The following CADM2 variants were observed in gnomAD, a reference collection of about 807,000 sequenced individuals.
CADM2 encodes the protein cell adhesion molecule 2.
In CADM2, 12 loss-of-function variants were observed where a neutral mutation model predicts 49.8. The observed-to-expected ratio is 0.24, with a 90% CI of 0.15 to 0.39. The LOEUF (loss-of-function observed/expected upper bound fraction) is 0.39, where lower values mean the gene tolerates loss of function less well. Among genes scored for constraint, CADM2 ranks in the 10% least tolerant of loss-of-function variants. The pLI is 1.00. For synonymous variants in CADM2, 214 were observed against 175.4 expected (o/e 1.22, Z -1.74); for missense variants, 378 against 492.3 (o/e 0.77, Z 2.20).
chr3:85,290,491 C>G (rs1379522397), intron 1 of CADM2, among the ~76,000 whole-genome samples: 1 of 152,216 alleles, frequency 6.6e-6, no homozygotes, highest in Non-Finnish European at 1.5e-5. Context: ...GGGCAGGGAA[C>G]AGACAAACAA....
intron 1 of CADM2, among the ~76,000 whole-genome samples, chr3:85,056,531 G>T (rs535364140): frequency 7.2e-5 from 11 of 152,128 alleles, no homozygotes; most frequent in African/African-American, 2.6e-4. Context: ...ATAAAAGATA[G>T]GGGCCTTAAA....
rs1577608117 is a variant in CADM2, at chr3:85,900,627, C to T, written c.530-11746C>T. Among the ~76,000 whole-genome samples the T allele has an allele frequency of 2.6e-5, 4 of 152,058 alleles. No homozygotes were observed. The East Asian group carries it at 7.7e-4, about 29-fold the overall frequency. On this transcript the variant is annotated intron_variant, in intron 5 of 9. Coordinates refer to ENST00000383699, the MANE Select transcript of CADM2 (RefSeq NM_001167675.2). ...CTTGTGATTAATTAATGTTGTTAAT[C>T]AACGTATTTAATTTAAGGGTTAAAG...
At chr3:85,294,445 A>G (rs995110239) in intron 1 of CADM2, among the ~76,000 whole-genome samples, 1 of 151,906 alleles carries the variant, frequency 6.6e-6, no homozygotes, top group Non-Finnish European at 1.5e-5. Flanking sequence ...ACTACTTTAA[A>G]GTTCATATGG....
At chr3:85,913,855 T>C (rs1287900713) in intron 6 of CADM2, among the ~76,000 whole-genome samples, 1 of 152,042 alleles carries the variant, frequency 6.6e-6, no homozygotes, top group Non-Finnish European at 1.5e-5. Context: ...AAAGTGAGTA[T>C]GTGTGTTGGT....
intron 8 of CADM2, among the ~76,000 whole-genome samples, chr3:85,990,220 A>G (rs1371908381): frequency 6.6e-6 from 1 of 152,016 alleles, no homozygotes; most frequent in African/African-American, 2.4e-5. Context: ...GTACCAATAC[A>G]ACCATTTTGT....
intron 1 of CADM2, 123 bp downstream of exon 1, chr3:84,959,791 C>A (rs1254630080): frequency 7.7e-6 from 7 of 907,070 alleles, no homozygotes; most frequent in African/African-American, 1.6e-5. Flanking sequence ...CACCCCCTCC[C>A]CCTACTCTCT....
chr3:85,071,273 CAG>C (rs1314605948), intron 1 of CADM2, among the ~76,000 whole-genome samples: 1 of 151,768 alleles, frequency 6.6e-6, no homozygotes, highest in African/African-American at 2.4e-5. Flanking sequence ...GGAAGGAAGA[CAG>C]AGAAAGATGG....
At position 85,986,144 on chromosome 3, in the gene CADM2, A is replaced by G. The variant is rs189769119; in HGVS notation, c.970+24497A>G. Among the ~76,000 whole-genome samples, 13 of 152,182 alleles carry G rather than the reference A, an allele frequency of 8.5e-5. No homozygotes were observed. In the East Asian group the frequency reaches 2.5e-3, roughly 29 times the overall value. On this transcript the variant is annotated intron_variant, in intron 8 of 9. Transcript: ENST00000383699. ...TTCTCTACATCCTTTATATCAAAAG[A>G]AATCAAGTCTATCTTTACTTAATTT...
At chr3:85,508,994 T>G (rs1051149573) in intron 1 of CADM2, among the ~76,000 whole-genome samples, 1 of 152,146 alleles carries the variant, frequency 6.6e-6, no homozygotes, top group South Asian at 2.1e-4. Context: ...TGTGAATATA[T>G]TAAATCATAT....
intron 1 of CADM2, among the ~76,000 whole-genome samples, chr3:85,415,445 A>G (rs2035876487): frequency 6.6e-6 from 1 of 151,932 alleles, no homozygotes; most frequent in Non-Finnish European, 1.5e-5. Flanking sequence ...GCCTAGAAAT[A>G]GTGAGTTCAA....
At chr3:85,372,276 G>T (rs1267801111) in intron 1 of CADM2, among the ~76,000 whole-genome samples, 3 of 151,432 alleles carry the variant, frequency 2.0e-5, no homozygotes, top group Non-Finnish European at 4.4e-5. Context: ...AAATCAGAAG[G>T]ATTAAGAGAA....
intron 3 of CADM2, among the ~76,000 whole-genome samples, chr3:85,833,780 C>G (rs899620860): frequency 1.3e-5 from 2 of 151,530 alleles, no homozygotes; most frequent in African/African-American, 2.4e-5. Context: ...AAAGCTATAT[C>G]ATCATCATCA....
chr3:85,075,292 C>T (rs1036088915), intron 1 of CADM2, among the ~76,000 whole-genome samples: 1 of 151,212 alleles, frequency 6.6e-6, no homozygotes, highest in African/African-American at 2.4e-5. Flanking sequence ...TTTAGCAAAG[C>T]CTGGAAATGA....
chr3:85,618,119 C>T (rs557650229), intron 1 of CADM2, among the ~76,000 whole-genome samples: 3 of 151,938 alleles, frequency 2.0e-5, no homozygotes, highest in Non-Finnish European at 2.9e-5. Flanking sequence ...AACTAAGCAA[C>T]TTAAATTGAA....
At chr3:84,962,251 C>T (rs985253322) in intron 1 of CADM2, among the ~76,000 whole-genome samples, 7 of 149,468 alleles carry the variant, frequency 4.7e-5, no homozygotes, top group African/African-American at 1.7e-4. Context: ...CATATGAATA[C>T]ACTAAAAGAG....
intron 8 of CADM2, among the ~76,000 whole-genome samples, chr3:86,031,280 T>C (rs1734529305): frequency 6.6e-6 from 1 of 151,924 alleles, no homozygotes; most frequent in African/African-American, 2.4e-5. Context: ...TATCTTGATA[T>C]CAGCTAAATT....
intron 7 of CADM2, among the ~76,000 whole-genome samples, chr3:85,948,316 C>T (rs1361746544): frequency 6.6e-6 from 1 of 150,904 alleles, no homozygotes; most frequent in Non-Finnish European, 1.5e-5. Context: ...AAGATTTGCA[C>T]TTTTTTTTGC....
rs1006058031 is a variant in CADM2, at chr3:86,069,810, G to C, written c.*3027G>C. 5.3e-5 allele frequency: 8 copies of C among 152,014 alleles called. No homozygotes were observed. Among genetic ancestry groups the C allele is most frequent in the African/African-American group, 1.9e-4 (8 of 41,428 alleles). 9.4% of individuals were successfully genotyped at this position (152,014 alleles called of 1,614,324 possible). ...ATTGATTGTCCTCCGTCAAAATCAAGTCTAAGCGGCATTTTACTTTTCTTT... is the reference window on the plus strand; with the variant it reads ...ATTGATTGTCCTCCGTCAAAATCAACTCTAAGCGGCATTTTACTTTTCTTT... On this transcript the variant is annotated 3_prime_UTR_variant, in exon 10 of 10. Transcript: ENST00000383699.
intron 1 of CADM2, among the ~76,000 whole-genome samples, chr3:85,038,998 C>T (rs2035330753): frequency 1.3e-5 from 2 of 151,836 alleles, no homozygotes; most frequent in African/African-American, 4.8e-5. Flanking sequence ...ATTTTATATA[C>T]TTATGTTGTT....
Sources: allele counts gnomAD v4.1 joint callset (sites outside exome capture counted in the v4.1 genomes callset), GRCh38; gene constraint gnomAD v4.1.1; transcripts MANE v1.5; gene names NCBI Gene and HGNC (gene_info 2026-07-23, HGNC 2026-07-21).